CRYBG3: variants seen among roughly 807,000 people sequenced by gnomAD.
CRYBG3 encodes very large A-kinase anchor protein.
CRYBG3 carries 127 observed loss-of-function variants against 244.2 expected under a neutral mutation model. That is an observed-to-expected ratio of 0.52 (90% CI 0.45 to 0.60). CRYBG3 has a LOEUF of 0.60. CRYBG3 is among the 20% of genes least tolerant of loss of function. The pLI, the probability that CRYBG3 is intolerant of heterozygous loss-of-function variation, is 0.00. For missense variants in CRYBG3, 3,325 were observed against 3,442.5 expected, an observed-to-expected ratio of 0.97 and a Z score of 0.85; for synonymous variants, 1,132 against 1,195.8, an observed-to-expected ratio of 0.95 and a Z score of 1.10.
At chr3:97,942,692 C>T in intron 21 of CRYBG3, 1 of 342,866 alleles carries the variant, frequency 2.9e-6, no homozygotes. Context: ...GAACTCAGAA[C>T]AGTTCTAAAT....
intron 19 of CRYBG3, among the ~76,000 whole-genome samples, chr3:97,938,823 C>T (rs2040194677): frequency 6.6e-6 from 1 of 151,622 alleles, no homozygotes; most frequent in South Asian, 2.1e-4. Flanking sequence ...TCACAATGTC[C>T]CTTGAGATGC....
chr3:97,872,272 T>C lies in CRYBG3; in HGVS notation c.1078T>C (p.Ser360Pro). 2 of 1,535,814 alleles carry C rather than the reference T, an allele frequency of 1.3e-6. No individual in the cohort carries two copies. The highest frequency in any genetic ancestry group is 1.7e-6 in the Non-Finnish European group (2 of 1,146,646). The change falls in exon 4 of 22, where the codon TCT becomes CCT. Residue 360 changes from serine to proline, a missense_variant. Coordinates refer to ENST00000389622, the MANE Select transcript of CRYBG3 (RefSeq NM_153605.4). ...GACTAACTCCAGCTACGATGGAGAA[T>C]CTGACTCACAGCACCATTTAAGTTG... ...SVTNSSYDGE[S>P]DSQHHLSCEP...
At chr3:97,901,727 A>G (rs983377758) in intron 15 of CRYBG3, among the ~76,000 whole-genome samples, 2 of 152,120 alleles carry the variant, frequency 1.3e-5, no homozygotes, top group Non-Finnish European at 2.9e-5. Flanking sequence ...CTCATTTTTT[A>G]AATCTCTGTT....
chr3:97,888,289 C>A (rs1052845103), intron 8 of CRYBG3, 52 bp from the exon 9 acceptor site: 9 of 1,108,726 alleles, frequency 8.1e-6, no homozygotes, highest in Non-Finnish European at 1.3e-6. Context: ...ACTTACAGAA[C>A]CAGACTAAAG....
intron 3 of CRYBG3, among the ~76,000 whole-genome samples, chr3:97,869,156 T>G (rs1457365903): frequency 6.6e-6 from 1 of 152,190 alleles, no homozygotes; most frequent in African/African-American, 2.4e-5. Flanking sequence ...CCTATTTTCA[T>G]GGACTGGTTG....
chr3:97,942,088 C>T (rs900580942), intron 20 of CRYBG3, 196 bp from the exon 21 acceptor site: 6 of 390,678 alleles, frequency 1.5e-5, no homozygotes, highest in Admixed American at 4.3e-5. Flanking sequence ...TGGTTTATTT[C>T]TGTACCATCT....
At chr3:97,901,965 G>A (rs1188990315) in intron 15 of CRYBG3, among the ~76,000 whole-genome samples, 4 of 152,150 alleles carry the variant, frequency 2.6e-5, no homozygotes, top group Non-Finnish European at 5.9e-5. Flanking sequence ...GGTAACACAT[G>A]AACAAAACAT....
At chr3:97,933,570 G>C in intron 17 of CRYBG3, 124 bp from the exon 18 acceptor site, 1 of 947,230 alleles carries the variant, frequency 1.1e-6, no homozygotes, top group Non-Finnish European at 1.7e-6. Flanking sequence ...AGCAACCTTA[G>C]AGAGTAAAAC....
chr3:97,915,614 C>T lies in CRYBG3; in HGVS notation c.8119C>T (p.Leu2707Phe), dbSNP rs2039920476. 6.2e-7 allele frequency: 1 copy of T among 1,608,272 alleles called. No individual in the cohort carries two copies. Among genetic ancestry groups the T allele is most frequent in the African/African-American group, 1.3e-5 (1 of 74,752 alleles). Residue 2707 changes from leucine to phenylalanine, a missense_variant, in exon 17 of 22, where the codon CTC becomes TTC. Coordinates refer to ENST00000389622, the MANE Select transcript of CRYBG3 (RefSeq NM_153605.4). ...CSFKVLRGCWLLYYQEDMFVN... is the reference protein window; with the variant it reads ...CSFKVLRGCWFLYYQEDMFVN... ...GTCTTACTGCTTGGCTTTTAGCTGG[C>T]TCCTCTATTACCAAGAAGACATGTT...
At chr3:97,832,346 G>A (rs2038665794) in intron 1 of CRYBG3, among the ~76,000 whole-genome samples, 1 of 151,484 alleles carries the variant, frequency 6.6e-6, no homozygotes, top group Non-Finnish European at 1.5e-5. Flanking sequence ...AACCAAAACA[G>A]CATGGTACTG....
In CRYBG3 at chr3:97,881,188, T is replaced by G; in HGVS notation, c.7121T>G (p.Phe2374Cys). ...LQNRRHPQRN[F>C]ILGSLKRVLK... ...AACAGAAGGCATCCACAAAGAAACT[T>G]TATATTGGGTTCTCTCAAACGTGTC... The change falls in exon 7 of 22, where the codon TTT (phenylalanine) becomes TGT (cysteine). Residue 2374 changes from phenylalanine (F) to cysteine (C), a missense_variant. Phe to Cys is a radical substitution (Grantham distance 205, BLOSUM62 -2). Transcript: ENST00000389622. The G allele has an allele frequency of 1.9e-6, 3 of 1,608,950 alleles. No homozygotes were observed. Among genetic ancestry groups the G allele is most frequent in the Non-Finnish European group, 2.5e-6 (3 of 1,177,726 alleles).
chr3:97,866,380 C>T (rs1308389047), intron 3 of CRYBG3, among the ~76,000 whole-genome samples: 1 of 152,168 alleles, frequency 6.6e-6, no homozygotes, highest in African/African-American at 2.4e-5. Context: ...AGAAAAGTGG[C>T]TCAATTGTGC....
At chr3:97,861,614 A>G (rs1213671779) in intron 2 of CRYBG3, among the ~76,000 whole-genome samples, 3 of 152,186 alleles carry the variant, frequency 2.0e-5, no homozygotes, top group Admixed American at 6.5e-5. Flanking sequence ...TTCATATAGT[A>G]TACACATAAT....
At chr3:97,929,918 A>G (rs2040079942) in intron 17 of CRYBG3, among the ~76,000 whole-genome samples, 2 of 152,036 alleles carry the variant, frequency 1.3e-5, no homozygotes. Flanking sequence ...CTTGAGATAC[A>G]TTTCTAGAGG....
Position 97,845,383 on chromosome 3 carries a change from A to G in CRYBG3, c.216+2122A>G, listed in dbSNP as rs76252462. Among the ~76,000 whole-genome samples the G allele has an allele frequency of 5.1e-4, 77 of 152,326 alleles. 1 individual carries two copies. The highest frequency in any genetic ancestry group is 1.0e-3 in the Non-Finnish European group (70 of 68,018). The stretch of plus-strand genomic sequence containing the variant: ...AACTTTGGACATCATTAAATTTTTT[A>G]TTCTTAAAATACCACTTACATGCTA... On this transcript the variant is annotated intron_variant, in intron 2 of 21. Coordinates refer to ENST00000389622, the MANE Select transcript of CRYBG3 (RefSeq NM_153605.4).
Position 97,936,927 on chromosome 3 carries a change from T to C in CRYBG3, c.8505+19T>C. 1 of 1,605,970 alleles carries C rather than the reference T, an allele frequency of 6.2e-7. No homozygotes were observed. Among genetic ancestry groups the C allele is most frequent in the Non-Finnish European group, 8.5e-7 (1 of 1,177,086 alleles). ...GAAGCAGGTAAGGAGAAAAGAACCA[T>C]AAGATTCCAAATAGCTTGCTTTTGT... On this transcript the variant is annotated intron_variant, in intron 19 of 21. Transcript: ENST00000389622.
At chr3:97,861,219 T>C (rs781416152) in intron 2 of CRYBG3, among the ~76,000 whole-genome samples, 12 of 152,220 alleles carry the variant, frequency 7.9e-5, no homozygotes, top group Non-Finnish European at 1.5e-4. Context: ...TCTGTGTCTT[T>C]GTGCATACTA....
At chr3:97,894,723 A>G (rs550196809) in intron 11 of CRYBG3, among the ~76,000 whole-genome samples, 1 of 152,294 alleles carries the variant, frequency 6.6e-6, no homozygotes, top group East Asian at 1.9e-4. Context: ...AGATATAAAT[A>G]AAAGCGTGTT....
intron 5 of CRYBG3, 72 bp downstream of exon 5, chr3:97,879,820 T>G: frequency 9.0e-7 from 1 of 1,108,530 alleles, no homozygotes. Context: ...GAATTTAATA[T>G]AAGTGACTTA....
Sources: gnomAD v4.1 joint callset for allele counts (sites outside exome capture counted in the v4.1 genomes callset) on GRCh38, gnomAD v4.1.1 for gene constraint, MANE v1.5 for transcripts, NCBI Gene and HGNC (gene_info 2026-07-23, HGNC 2026-07-21) for gene names.